R3HDM2: variants seen among roughly 807,000 people sequenced by gnomAD.
R3HDM2 encodes the protein R3H domain-containing protein 2.
Under a neutral mutation model 124.5 loss-of-function variants are expected in R3HDM2, and 38 were observed. The ratio of observed to expected loss-of-function variants is 0.31; its 90% CI spans 0.24 to 0.40. The LOEUF is 0.40. R3HDM2 is among the 10% of genes least tolerant of loss of function. The pLI is 1.00. For missense variants in R3HDM2, 869 were observed against 1,236.9 expected (o/e 0.70, Z 4.46); for synonymous variants, 391 against 448.0 (o/e 0.87, Z 1.61).
chr12:57,360,006 A>AATAAATAAATAAATATATATAT (rs1403496780), intron 2 of R3HDM2, among the ~76,000 whole-genome samples: 99 of 117,654 alleles, frequency 8.4e-4, no homozygotes, highest in African/African-American at 2.8e-3. Context: ...TAAATAAATA[A>AATAAATAAATAAATATATATAT]ATATATATAT....
At chr12:57,372,093 CT>C (rs2063460331) in intron 2 of R3HDM2, among the ~76,000 whole-genome samples, 1 of 152,154 alleles carries the variant, frequency 6.6e-6, no homozygotes, top group Non-Finnish European at 1.5e-5. Flanking sequence ...TCTTGAACTC[CT>C]GACCTCAGGT....
intron 2 of R3HDM2, among the ~76,000 whole-genome samples, chr12:57,317,988 C>A (rs6421188): frequency 0.6 from 87,028 of 144,454 alleles, 27,143 homozygotes; most frequent in East Asian, 0.8. Context: ...CCCGCCCCCC[C>A]AAAAAAAAAA....
chr12:57,351,178 G>C (rs7133366), intron 2 of R3HDM2, among the ~76,000 whole-genome samples: 67,248 of 151,992 alleles, frequency 0.44, 15,669 homozygotes, highest in South Asian at 0.54. Flanking sequence ...GACGTGGAAG[G>C]ACTGCTTGAG....
chr12:57,255,917 C>T, intron 23 of R3HDM2, 73 bp downstream of exon 23: 2 of 1,354,864 alleles, frequency 1.5e-6, no homozygotes, highest in Non-Finnish European at 2.0e-6. Context: ...CTTTTCCCAC[C>T]CATGCTGGAC....
intron 2 of R3HDM2, chr12:57,341,507 A>G: frequency 2.9e-5 from 19 of 651,694 alleles, no homozygotes; most frequent in Non-Finnish European, 3.6e-5. Flanking sequence ...ACTCTTTAGA[A>G]GCCAAGGCCA....
chr12:57,374,035 G>A (rs751079822), intron 2 of R3HDM2, among the ~76,000 whole-genome samples: 90 of 145,466 alleles, frequency 6.2e-4, no homozygotes, highest in Admixed American at 1.0e-3. Flanking sequence ...GGCTAAGGTA[G>A]GAGAATTGCT....
At chr12:57,425,063 G>C (rs577923464) in intron 1 of R3HDM2, among the ~76,000 whole-genome samples, 2 of 152,122 alleles carry the variant, frequency 1.3e-5, no homozygotes, top group East Asian at 1.9e-4. Flanking sequence ...ACCTGAGCTC[G>C]GGAGTTCGAG....
intron 2 of R3HDM2, among the ~76,000 whole-genome samples, chr12:57,354,467 T>G (rs2061031915): frequency 6.6e-6 from 1 of 151,788 alleles, no homozygotes; most frequent in Non-Finnish European, 1.5e-5. Flanking sequence ...TAATTTTTTG[T>G]ATTTTTAGTA....
intron 2 of R3HDM2, among the ~76,000 whole-genome samples, chr12:57,376,118 T>C (rs2064029640): frequency 2.0e-5 from 3 of 152,250 alleles, no homozygotes; most frequent in Admixed American, 1.3e-4. Context: ...TTGGACCTAT[T>C]CTGGGTCCTT....
Position 57,425,757 on chromosome 12 carries a change from C to T in R3HDM2, c.-106+4963G>A, listed in dbSNP as rs149020646. Among the ~76,000 whole-genome samples, 327 of 152,198 alleles carry T rather than the reference C, an allele frequency of 2.1e-3. 9 individuals are homozygous for T. In the East Asian group the frequency reaches 0.05, roughly 23 times the overall value. On this transcript the variant is annotated intron_variant, in intron 1 of 23. Transcript: ENST00000402412. ...AGGTGGTAGTGAGCTGAAATCAGGA[C>T]ACTGCACTCCAGCCTGGGAGACACA...
chr12:57,400,160 T>C (rs2067916038), intron 1 of R3HDM2, among the ~76,000 whole-genome samples: 1 of 152,102 alleles, frequency 6.6e-6, no homozygotes, highest in African/African-American at 2.4e-5. Flanking sequence ...CCATTCACAA[T>C]AGCAAAGACT....
chr12:57,293,980 G>A (rs2049184010), intron 10 of R3HDM2, among the ~76,000 whole-genome samples: 1 of 152,148 alleles, frequency 6.6e-6, no homozygotes, highest in Non-Finnish European at 1.5e-5. Flanking sequence ...GGGCTTTGAG[G>A]TCAGGCAGAA....
At chr12:57,385,517 C>G (rs1170307764) in intron 2 of R3HDM2, among the ~76,000 whole-genome samples, 4 of 152,024 alleles carry the variant, frequency 2.6e-5, no homozygotes, top group Non-Finnish European at 5.9e-5. Flanking sequence ...GCTGGGATTA[C>G]AGGCATGAGC....
intron 1 of R3HDM2, among the ~76,000 whole-genome samples, chr12:57,424,997 G>A (rs2070590446): frequency 6.6e-6 from 1 of 152,342 alleles, no homozygotes; most frequent in Non-Finnish European, 1.5e-5. Context: ...ATTCAGTCAG[G>A]TGCGGTGGCT....
At chr12:57,422,894 G>A (rs2070345844) in intron 1 of R3HDM2, among the ~76,000 whole-genome samples, 1 of 152,172 alleles carries the variant, frequency 6.6e-6, no homozygotes, top group South Asian at 2.1e-4. Flanking sequence ...TTGAGCCCAG[G>A]AGGTGGAGAC....
At chr12:57,327,466 C>CA (rs34045324) in intron 2 of R3HDM2, among the ~76,000 whole-genome samples, 53,741 of 105,422 alleles carry the variant, frequency 0.51, 11,766 homozygotes, top group Admixed American at 0.58. Context: ...GACTCCGTCT[C>CA]AAAAAAAAAA....
chr12:57,313,982 A>C (rs1365154474), intron 2 of R3HDM2, among the ~76,000 whole-genome samples: 1 of 148,104 alleles, frequency 6.8e-6, no homozygotes, highest in African/African-American at 2.5e-5. Flanking sequence ...TGATGTTGGG[A>C]GTTTGAGACC....
chr12:57,371,083 CTTTTTTTTTTTT>C (rs775839017), intron 2 of R3HDM2, among the ~76,000 whole-genome samples: 14 of 40,886 alleles, frequency 3.4e-4, no homozygotes, highest in Middle Eastern at 0.028. Flanking sequence ...TATACCATTA[CTTTTTTTTTTTT>C]TTTTTTTTTT....
chr12:57,280,890 G>A (rs1383449482), intron 13 of R3HDM2, among the ~76,000 whole-genome samples: 1 of 151,758 alleles, frequency 6.6e-6, no homozygotes, highest in African/African-American at 2.4e-5. Context: ...TTCCTGGGAA[G>A]GCACAGATTT....
Sources: gnomAD v4.1 joint callset for allele counts (sites outside exome capture counted in the v4.1 genomes callset) on GRCh38, gnomAD v4.1.1 for gene constraint, MANE v1.5 for transcripts, NCBI Gene and HGNC (gene_info 2026-07-23, HGNC 2026-07-21) for gene names.